RAD21L1: variants seen among roughly 807,000 people sequenced by gnomAD.
The protein encoded by RAD21L1 is RAD21 cohesin complex component like 1, also known as double-strand-break repair protein rad21-like protein 1.
In RAD21L1, 47 loss-of-function variants were observed where a neutral mutation model predicts 69.0. The observed-to-expected ratio is 0.68, with a 90% confidence interval of 0.54 to 0.87. RAD21L1 has a LOEUF of 0.87. RAD21L1 is among the 40% of genes least tolerant of loss of function. The probability of loss-of-function intolerance (pLI) is 0.00; values close to 1 mark genes in which losing one functional copy is unlikely to be tolerated. For synonymous variants in RAD21L1, 177 were observed against 205.8 expected (o/e 0.86, Z 1.20); for missense variants, 583 against 647.6 (o/e 0.90, Z 1.08).
intron 1 of RAD21L1, among the ~76,000 whole-genome samples, chr20:1,226,687 G>T (rs2087269869): frequency 6.6e-6 from 1 of 152,110 alleles, no homozygotes; most frequent in African/African-American, 2.4e-5. Context: ...GCCCCATCCC[G>T]GTGGCTTCAC....
chr20:1,230,722 ATCTT>A (rs2087372517), intron 3 of RAD21L1: 1 of 549,016 alleles, frequency 1.8e-6, no homozygotes. Context: ...ATTTTTTTTA[ATCTT>A]CTTCATTTAA....
At chr20:1,232,139 TAGAA>T (rs1472401786) in intron 4 of RAD21L1, among the ~76,000 whole-genome samples, 1 of 152,012 alleles carries the variant, frequency 6.6e-6, no homozygotes, top group Non-Finnish European at 1.5e-5. Flanking sequence ...GAAGAGCAAG[TAGAA>T]AGGCCCTAAA....
chr20:1,242,605 T>C lies in RAD21L1; in HGVS notation c.857-14T>C. ...TGTATAACCAATCACATTTGTGCTA[T>C]TTCTTATATTTAGACATTGCTGAGA... On this transcript the variant is annotated splice_polypyrimidine_tract_variant and intron_variant, in intron 8 of 13. Coordinates refer to ENST00000683101, the MANE Select transcript of RAD21L1 (RefSeq NM_001384355.1). 2.0e-6 allele frequency: 3 copies of C among 1,520,744 alleles called. No homozygotes were observed. Among genetic ancestry groups the C allele is most frequent in the Non-Finnish European group, 2.7e-6 (3 of 1,118,872 alleles). The allele number at this position is 1,520,744 out of a possible 1,614,324, so 94.2% of individuals were successfully genotyped here.
chr20:1,234,677 A>G (rs762221076), intron 5 of RAD21L1, among the ~76,000 whole-genome samples: 38 of 152,234 alleles, frequency 2.5e-4, no homozygotes, highest in Non-Finnish European at 2.2e-4. Flanking sequence ...CACTAAATGT[A>G]TATATTGATT....
chr20:1,253,256 A>C (rs1022328144), intron 13 of RAD21L1, among the ~76,000 whole-genome samples: 1 of 152,144 alleles, frequency 6.6e-6, no homozygotes, highest in Non-Finnish European at 1.5e-5. Context: ...AGCGTGTATG[A>C]TTCTCATAGG....
chr20:1,251,044 A>G (rs2087818601), intron 13 of RAD21L1, among the ~76,000 whole-genome samples: 1 of 152,066 alleles, frequency 6.6e-6, no homozygotes, highest in Non-Finnish European at 1.5e-5. Context: ...ATCTTTCTTT[A>G]TCTTAAATTT....
chr20:1,234,888 T>A (rs2087463753), intron 5 of RAD21L1, among the ~76,000 whole-genome samples: 1 of 152,118 alleles, frequency 6.6e-6, no homozygotes. Flanking sequence ...TGCAAGTGCA[T>A]GCCACCACAC....
At chr20:1,251,382 T>TC (rs2087829550) in intron 13 of RAD21L1, among the ~76,000 whole-genome samples, 1 of 151,554 alleles carries the variant, frequency 6.6e-6, no homozygotes, top group African/African-American at 2.4e-5. Context: ...TTTTTTTTTT[T>TC]CCACTTATTG....
intron 13 of RAD21L1, among the ~76,000 whole-genome samples, chr20:1,251,901 A>G (rs1278942360): frequency 6.6e-6 from 1 of 152,156 alleles, no homozygotes; most frequent in Non-Finnish European, 1.5e-5. Context: ...TTTATATTTA[A>G]AGTATGCATT....
intron 13 of RAD21L1, 146 bp downstream of exon 13, chr20:1,248,849 G>A: frequency 2.0e-6 from 1 of 496,994 alleles, no homozygotes; most frequent in Non-Finnish European, 3.6e-6. Context: ...ATTTTCAGTA[G>A]TATACCCAGG....
At position 1,228,471 on chromosome 20, in the gene RAD21L1, G is replaced by A. The variant is rs886732438; in HGVS notation, c.18G>A (p.Val6=). 1.7e-5 allele frequency: 26 copies of A among 1,548,584 alleles called. No individual in the cohort carries two copies. Among genetic ancestry groups the A allele is most frequent in the Non-Finnish European group, 2.2e-5 (25 of 1,145,980 alleles). The part of the protein sequence containing the change: MFYTH[V]LMSKRGPLAK... ...CAGGCAACATGTTCTACACACATGTGCTTATGAGTAAACGAGGGCCATTGG... is the reference window on the plus strand; with the variant it reads ...CAGGCAACATGTTCTACACACATGTACTTATGAGTAAACGAGGGCCATTGG... The change falls in exon 2 of 14, where the codon GTG becomes GTA. Residue 6 remains valine, a synonymous_variant. Transcript: ENST00000683101.
Position 1,238,214 on chromosome 20 carries a change from G to A in RAD21L1, c.646G>A (p.Asp216Asn). 1 of 1,502,068 alleles carries A rather than the reference G, an allele frequency of 6.7e-7. No individual in the cohort carries two copies. The highest frequency in any genetic ancestry group is 9.0e-7 in the Non-Finnish European group (1 of 1,115,056). The allele number at this position is 1,502,068 out of a possible 1,614,324, so 93.0% of individuals were successfully genotyped here. ...GDEGAAGEMIDNLLQDDQNIL... is the reference protein window; with the variant it reads ...GDEGAAGEMINNLLQDDQNIL... Reference sequence around the variant, plus strand: ...TGAAGGAGCTGCAGGAGAAATGATTGGTATGCTATCTGGTCATGTGGAAAT... The same window carrying A: ...TGAAGGAGCTGCAGGAGAAATGATTAGTATGCTATCTGGTCATGTGGAAAT... The change falls in exon 6 of 14, where the codon GAC becomes AAC. Residue 216 changes from aspartate to asparagine, a missense_variant and splice_region_variant. Asp to Asn is a conservative substitution (Grantham distance 23). Coordinates refer to ENST00000683101, the MANE Select transcript of RAD21L1 (RefSeq NM_001384355.1).
At chr20:1,232,209 G>A (rs751647040) in intron 4 of RAD21L1, among the ~76,000 whole-genome samples, 20 of 152,128 alleles carry the variant, frequency 1.3e-4, no homozygotes, top group Admixed American at 9.2e-4. Context: ...AGACTCTAGC[G>A]GAGTAAATGA....
At chr20:1,242,513 A>G (rs2087627647) in intron 8 of RAD21L1, 106 bp from the exon 9 acceptor site, 2 of 853,440 alleles carry the variant, frequency 2.3e-6, no homozygotes, top group Non-Finnish European at 1.9e-6. Context: ...GATTACAGGC[A>G]TGAGCCACCG....
chr20:1,230,141 G>C, intron 3 of RAD21L1, 132 bp downstream of exon 3: 1 of 630,574 alleles, frequency 1.6e-6, no homozygotes, highest in South Asian at 3.2e-5. Context: ...AAGTTTCCAT[G>C]GTTGAGGATA....
chr20:1,253,058 C>G (rs2087866706), intron 13 of RAD21L1, among the ~76,000 whole-genome samples: 1 of 152,148 alleles, frequency 6.6e-6, no homozygotes, highest in Admixed American at 6.5e-5. Context: ...CCATCCAGTT[C>G]TCATCTTTTC....
chr20:1,251,071 C>T (rs913008018), intron 13 of RAD21L1, among the ~76,000 whole-genome samples: 1 of 152,108 alleles, frequency 6.6e-6, no homozygotes, highest in Non-Finnish European at 1.5e-5. Context: ...GGTTAACATC[C>T]TTTCATAATT....
Position 1,231,880 on chromosome 20 carries a change from A to C in RAD21L1, c.368+261A>C, listed in dbSNP as rs74272319. On this transcript the variant is annotated intron_variant, in intron 4 of 13. Transcript: ENST00000683101. ...CACTGAGTGCCTTCCATATGCCGGAAACTGTTCTAGGCACTGAGGAGATAG... is the reference window on the plus strand; with the variant it reads ...CACTGAGTGCCTTCCATATGCCGGACACTGTTCTAGGCACTGAGGAGATAG... Among the ~76,000 whole-genome samples the C allele has an allele frequency of 4.0e-4, 61 of 152,352 alleles. 2 individuals carry two copies. In the East Asian group the frequency reaches 0.011, roughly 28 times the overall value.
chr20:1,230,022 T>G lies in RAD21L1; in HGVS notation c.274+13T>G, dbSNP rs1402802531. The G allele has an allele frequency of 6.5e-7, 1 of 1,531,756 alleles. No homozygotes were observed. Among genetic ancestry groups the G allele is most frequent in the African/African-American group, 1.4e-5 (1 of 72,800 alleles). The allele number at this position is 1,531,756 out of a possible 1,614,324, so 94.9% of individuals were successfully genotyped here. On this transcript the variant is annotated intron_variant, in intron 3 of 13. Transcript: ENST00000683101. ...ACATTTTGCCCAGGTATACATGTAA[T>G]ATTGATTTGTCTCCTTCTTGGTTCC...
Sources: gnomAD v4.1 joint callset for allele counts (sites outside exome capture counted in the v4.1 genomes callset) on GRCh38, gnomAD v4.1.1 for gene constraint, MANE v1.5 for transcripts, NCBI Gene and HGNC (gene_info 2026-07-23, HGNC 2026-07-21) for gene names.